SORCS3: variants seen among roughly 807,000 people sequenced by gnomAD.
The protein encoded by SORCS3 is VPS10 domain-containing receptor SorCS3.
A neutral mutation model predicts 146.3 loss-of-function variants in SORCS3; 57 were observed. The ratio of observed to expected loss-of-function variants is 0.39; its 90% CI spans 0.31 to 0.49. The LOEUF is 0.49. SORCS3 is among the 20% of genes least tolerant of loss of function. The pLI is 0.92. For missense variants in SORCS3, 1,341 were observed against 1,575.5 expected, an observed-to-expected ratio of 0.85 and a Z score of 2.52; for synonymous variants, 653 against 618.5, an observed-to-expected ratio of 1.06 and a Z score of -0.83.
intron 2 of SORCS3, among the ~76,000 whole-genome samples, chr10:104,867,350 C>T (rs2018471157): frequency 1.3e-5 from 2 of 150,906 alleles, no homozygotes; most frequent in South Asian, 4.2e-4. Flanking sequence ...CGCTCTGTCG[C>T]CCAGGCTGGA....
At chr10:105,165,519 A>G (rs926522896) in intron 12 of SORCS3, among the ~76,000 whole-genome samples, 1 of 152,152 alleles carries the variant, frequency 6.6e-6, no homozygotes, top group African/African-American at 2.4e-5. Context: ...AAAAATTAAC[A>G]AGTACTTACG....
chr10:104,921,566 T>C (rs1434668721), intron 3 of SORCS3, among the ~76,000 whole-genome samples: 1 of 151,804 alleles, frequency 6.6e-6, no homozygotes, highest in East Asian at 1.9e-4. Context: ...GACATCAGTA[T>C]AGGCTAATGA....
intron 6 of SORCS3, among the ~76,000 whole-genome samples, chr10:105,096,108 A>G (rs1174373153): frequency 6.7e-6 from 1 of 149,736 alleles, no homozygotes; most frequent in Admixed American, 6.6e-5. Flanking sequence ...ACAAATACAC[A>G]CACACACACA....
intron 1 of SORCS3, among the ~76,000 whole-genome samples, chr10:104,825,262 C>T (rs2017922354): frequency 6.6e-6 from 1 of 152,148 alleles, no homozygotes; most frequent in Admixed American, 6.6e-5. Context: ...GTACAATACC[C>T]TTTAGCTGAT....
rs1191471172 is a variant in SORCS3 at position 104,751,861 on chromosome 10, T to C, written c.628-90931T>C. Among the ~76,000 whole-genome samples the C allele has an allele frequency of 1.6e-4, 23 of 145,362 alleles. No homozygotes were observed. In the Admixed American group the frequency reaches 1.6e-3, roughly 10 times the overall value. On this transcript the variant is annotated intron_variant, in intron 1 of 26. Coordinates refer to ENST00000369701, the MANE Select transcript of SORCS3 (RefSeq NM_014978.3). ...TGTACTGTGGCTGGGATTTTGTCAC[T>C]GGGGTTTTTATTCAATTAAGTTCTT...
rs17118225 is a variant in SORCS3, at chr10:105,071,936, A to G, written c.1029-17839A>G. ...TTGAAAGCTCATTGGTTTTATTTTCATGTTGCATCACTTCAGATAGCCCTT... is the reference window on the plus strand; with the variant it reads ...TTGAAAGCTCATTGGTTTTATTTTCGTGTTGCATCACTTCAGATAGCCCTT... On this transcript the variant is annotated intron_variant, in intron 5 of 26. Coordinates refer to ENST00000369701, the MANE Select transcript of SORCS3 (RefSeq NM_014978.3). Among the ~76,000 whole-genome samples the G allele has an allele frequency of 2.5e-3, 387 of 152,314 alleles. 1 individual carries two copies. The highest frequency in any genetic ancestry group is 8.6e-3 in the African/African-American group (357 of 41,572).
intron 1 of SORCS3, among the ~76,000 whole-genome samples, chr10:104,697,600 G>A (rs554842309): frequency 9.9e-5 from 15 of 152,222 alleles, no homozygotes; most frequent in Admixed American, 5.9e-4. Context: ...GAGAGTTGGT[G>A]TTTTCTTCCT....
chr10:104,870,729 G>A (rs529311995), intron 2 of SORCS3, among the ~76,000 whole-genome samples: 1 of 152,264 alleles, frequency 6.6e-6, no homozygotes, highest in East Asian at 1.9e-4. Context: ...TTCCCATGTT[G>A]AGCATGACCT....
intron 7 of SORCS3, among the ~76,000 whole-genome samples, chr10:105,113,703 T>C (rs117241489): frequency 0.024 from 3,694 of 152,266 alleles, 68 homozygotes; most frequent in Non-Finnish European, 0.036. Context: ...GAACCCAGTG[T>C]TTGATCTCCT....
At chr10:105,115,973 C>T (rs1564758582) in intron 7 of SORCS3, among the ~76,000 whole-genome samples, 1 of 152,124 alleles carries the variant, frequency 6.6e-6, no homozygotes, top group South Asian at 2.1e-4. Flanking sequence ...CCAATGAAGA[C>T]ATCTTCAGGT....
chr10:105,051,547 C>A (rs73340283), intron 5 of SORCS3, among the ~76,000 whole-genome samples: 8,970 of 152,148 alleles, frequency 0.059, 283 homozygotes, highest in Middle Eastern at 0.088. Context: ...TTAGGCTATT[C>A]ATATATTATC....
At chr10:104,974,384 T>C (rs1169657655) in intron 3 of SORCS3, among the ~76,000 whole-genome samples, 12 of 152,186 alleles carry the variant, frequency 7.9e-5, no homozygotes, top group African/African-American at 1.7e-4. Context: ...TGCTCCTGTA[T>C]TGGGTGCATG....
At position 105,176,321 on chromosome 10, in the gene SORCS3, A is replaced by T. The variant is rs1000223940; in HGVS notation, c.1902-1745A>T. On this transcript the variant is annotated intron_variant, in intron 13 of 26. Transcript: ENST00000369701. ...GCACTTTGGGAGTCCGAGTGGGAGGATTGCTTGCAGCCAGGAGGTTGAGAC... is the reference window on the plus strand; with the variant it reads ...GCACTTTGGGAGTCCGAGTGGGAGGTTTGCTTGCAGCCAGGAGGTTGAGAC... Among the ~76,000 whole-genome samples the T allele has an allele frequency of 6.6e-5, 10 of 151,766 alleles. No homozygotes were observed. In the East Asian group the frequency reaches 1.6e-3, roughly 24 times the overall value.
chr10:105,182,995 G>A (rs1016200152), intron 14 of SORCS3, among the ~76,000 whole-genome samples: 2 of 152,132 alleles, frequency 1.3e-5, no homozygotes, highest in Non-Finnish European at 2.9e-5. Flanking sequence ...ATGTGCCAGT[G>A]CGCCTGGCCA....
intron 6 of SORCS3, among the ~76,000 whole-genome samples, chr10:105,094,158 AG>A (rs1461795200): frequency 1.3e-5 from 2 of 152,194 alleles, no homozygotes; most frequent in African/African-American, 2.4e-5. Context: ...CTTATGGGAA[AG>A]ACAAACTATA....
rs542955714 is a variant in SORCS3 at position 104,818,595 on chromosome 10, C to T, written c.628-24197C>T. Among the ~76,000 whole-genome samples the T allele has an allele frequency of 3.5e-4, 54 of 152,198 alleles. No homozygotes were observed. The South Asian group carries it at 0.011, about 32-fold the overall frequency. On this transcript the variant is annotated intron_variant, in intron 1 of 26. Coordinates refer to ENST00000369701, the MANE Select transcript of SORCS3 (RefSeq NM_014978.3). ...TCCTGAGTCACAGCTGCAGCCCTGT[C>T]CTTGGCTACTACAGGATCCCCTGCT... is the stretch of plus-strand genomic sequence containing the variant.
At chr10:104,935,716 A>C (rs2019253338) in intron 3 of SORCS3, among the ~76,000 whole-genome samples, 1 of 140,042 alleles carries the variant, frequency 7.1e-6, no homozygotes, top group African/African-American at 2.6e-5. Context: ...GCAACACATC[A>C]GTAGAGGTTT....
rs181236372 is a variant in SORCS3 at position 104,765,898 on chromosome 10, C to G, written c.628-76894C>G. Reference sequence around the variant, plus strand: ...GACCTGGGATTCCCACCCAGTGAGTCTGGCTCCAGGGTCTGTGTTTTTAGC... The same window carrying G: ...GACCTGGGATTCCCACCCAGTGAGTGTGGCTCCAGGGTCTGTGTTTTTAGC... On this transcript the variant is annotated intron_variant, in intron 1 of 26. Coordinates refer to ENST00000369701, the MANE Select transcript of SORCS3 (RefSeq NM_014978.3). 3.9e-5 allele frequency among the ~76,000 whole-genome samples: 6 copies of G among 152,288 alleles called. No homozygotes were observed. In the East Asian group the frequency reaches 7.7e-4, roughly 20 times the overall value.
At chr10:105,122,620 A>G (rs2055942486) in intron 7 of SORCS3, among the ~76,000 whole-genome samples, 1 of 152,198 alleles carries the variant, frequency 6.6e-6, no homozygotes, top group South Asian at 2.1e-4. Context: ...CAAGACGGAG[A>G]ACGTGTCAGT....
Sources: gnomAD v4.1 joint callset for allele counts (sites outside exome capture counted in the v4.1 genomes callset) on GRCh38, gnomAD v4.1.1 for gene constraint, MANE v1.5 for transcripts, NCBI Gene and HGNC (gene_info 2026-07-23, HGNC 2026-07-21) for gene names.